The following PLEKHM2 variants were observed in gnomAD, a reference collection of about 807,000 sequenced individuals.
PLEKHM2 encodes pleckstrin homology and RUN domain containing M2.
Under a neutral mutation model 116.3 loss-of-function variants are expected in PLEKHM2, and 77 were observed. The ratio of observed to expected loss-of-function variants is 0.66; its 90% CI spans 0.55 to 0.80. PLEKHM2 has a LOEUF of 0.80. Among genes scored for constraint, PLEKHM2 ranks in the 30% least tolerant of loss-of-function variants. The pLI, the probability that PLEKHM2 is intolerant of heterozygous loss-of-function variation, is 0.00. For missense variants in PLEKHM2, 1,183 were observed against 1,354.9 expected (o/e 0.87, Z 1.99); for synonymous variants, 562 against 571.0 (o/e 0.98, Z 0.22).
At chr1:15,711,765 G>T (rs1641335588) in intron 1 of PLEKHM2, among the ~76,000 whole-genome samples, 1 of 152,122 alleles carries the variant, frequency 6.6e-6, no homozygotes. Flanking sequence ...GAAGTTTAAA[G>T]GTCAATTGAT....
intron 1 of PLEKHM2, among the ~76,000 whole-genome samples, chr1:15,701,633 C>CA (rs1191857638): frequency 3.3e-5 from 5 of 151,158 alleles, no homozygotes; most frequent in Non-Finnish European, 3.0e-5. Flanking sequence ...ACTAAAAATA[C>CA]AAAAAAAATT....
chr1:15,720,521 G>C, intron 6 of PLEKHM2: 4 of 979,666 alleles, frequency 4.1e-6, no homozygotes, highest in Non-Finnish European at 4.8e-6. Context: ...TGATTTACTG[G>C]AACAGCCTGG....
chr1:15,718,041 A>G (rs747744183), intron 4 of PLEKHM2, 49 bp downstream of exon 4: 21 of 1,163,416 alleles, frequency 1.8e-5, no homozygotes, highest in Non-Finnish European at 2.7e-5. Context: ...GCTCCCTTTC[A>G]GCTACCTCCC....
chr1:15,685,541 GAAAAAAAAAA>G (rs200301672), intron 1 of PLEKHM2, among the ~76,000 whole-genome samples: 3 of 73,510 alleles, frequency 4.1e-5, no homozygotes, highest in Non-Finnish European at 8.3e-5. Flanking sequence ...CTCAGAAACT[GAAAAAAAAAA>G]AAAAAAAAAG....
rs1052859787 is a variant in PLEKHM2 at position 15,726,318 on chromosome 1, G to A, written c.942-696G>A. 2.4e-4 allele frequency among the ~76,000 whole-genome samples: 37 copies of A among 152,168 alleles called. 1 individual carries two copies. The highest frequency in any genetic ancestry group is 1.3e-4 in the Non-Finnish European group (9 of 68,034). On this transcript the variant is annotated intron_variant, in intron 8 of 19. Coordinates refer to ENST00000375799, the MANE Select transcript of PLEKHM2 (RefSeq NM_015164.4). ...AGGGACTGTCAACCAGAGCCTCCCC[G>A]GCTCCCTGACCTCCCCGACCCCCTC... is the stretch of plus-strand genomic sequence containing the variant.
At chr1:15,706,037 C>T (rs12021993) in intron 1 of PLEKHM2, among the ~76,000 whole-genome samples, 13 of 152,074 alleles carry the variant, frequency 8.5e-5, no homozygotes, top group Admixed American at 7.9e-4. Flanking sequence ...GCCAAGATCG[C>T]GCCATTGCAC....
rs2148374495 is a variant in PLEKHM2, at chr1:15,728,581, AAG to A, written c.1922-83_1922-82del. 8.2e-7 allele frequency: 1 copy of A among 1,223,144 alleles called. No individual in the cohort carries two copies. The highest frequency in any genetic ancestry group is 1.3e-5 in the South Asian group (1 of 77,774). The allele number at this position is 1,223,144 out of a possible 1,614,324, so 75.8% of individuals were successfully genotyped here. ...ACTGCAGGGCAAGGAGAGGCCCTCT[AAG>A]AGAGGGGGCTGTGTCTAAGAAAATG... On this transcript the variant is annotated intron_variant, in intron 11 of 19. Transcript: ENST00000375799. The surrounding 1 kb of genome is among the most constrained non-coding windows in gnomAD (Gnocchi z 5.9).
rs938127256 is a variant in PLEKHM2 at position 15,693,714 on chromosome 1, T to G, written c.60+9096T>G. ...GCTGGAGCCCAGTGTGAAAAGAAAT[T>G]CCCAGCAAAACTAAAATTCTGCTGC... On this transcript the variant is annotated intron_variant, in intron 1 of 19. Transcript: ENST00000375799. Among the ~76,000 whole-genome samples, 3 of 152,246 alleles carry G rather than the reference T, an allele frequency of 2.0e-5. No homozygotes were observed. The East Asian group carries it at 5.8e-4, about 29-fold the overall frequency.
chr1:15,685,706 A>G (rs1640757764), intron 1 of PLEKHM2, among the ~76,000 whole-genome samples: 2 of 152,332 alleles, frequency 1.3e-5, no homozygotes, highest in Non-Finnish European at 2.9e-5. Flanking sequence ...AGATTCCTCA[A>G]AAGCAACACA....
intron 1 of PLEKHM2, among the ~76,000 whole-genome samples, chr1:15,692,209 T>C (rs1278905268): frequency 6.6e-6 from 1 of 152,086 alleles, no homozygotes; most frequent in Non-Finnish European, 1.5e-5. Context: ...TTGGTTTAGA[T>C]CAATAGTTTT....
chr1:15,682,105 G>A (rs973821009), upstream of PLEKHM2, among the ~76,000 whole-genome samples: 2 of 152,024 alleles, frequency 1.3e-5, no homozygotes, highest in Non-Finnish European at 2.9e-5. Context: ...GGCTGACGTG[G>A]GAGGATCCCC....
At chr1:15,703,926 G>C (rs1003120406) in intron 1 of PLEKHM2, among the ~76,000 whole-genome samples, 5 of 152,182 alleles carry the variant, frequency 3.3e-5, no homozygotes, top group Non-Finnish European at 7.3e-5. Flanking sequence ...CAGCAGCAGG[G>C]ACAGGAGAGC....
chr1:15,724,419 G>C (rs984270393), intron 7 of PLEKHM2, among the ~76,000 whole-genome samples: 1 of 152,042 alleles, frequency 6.6e-6, no homozygotes, highest in Admixed American at 6.5e-5. Flanking sequence ...GGAGTTGGAG[G>C]TTGTAGTGAG....
chr1:15,716,654 C>T (rs1229573095), intron 2 of PLEKHM2, 53 bp from the exon 3 acceptor site: 1 of 1,541,522 alleles, frequency 6.5e-7, no homozygotes, highest in Non-Finnish European at 8.8e-7. Context: ...CCGACTGCAG[C>T]TTCCCAGGGT....
In PLEKHM2 at chr1:15,729,784, A is replaced by G; in HGVS notation, c.2076-13A>G. On this transcript the variant is annotated splice_polypyrimidine_tract_variant and intron_variant, in intron 13 of 19. Transcript: ENST00000375799. The surrounding 1 kb of genome is among the most constrained non-coding windows in gnomAD (Gnocchi z 4.7). ...TCCCAGGCCTCTAACCACAAACCTC[A>G]CTCCCTATGCAGGTTCTTTTTGGCT... The G allele has an allele frequency of 1.2e-6, 2 of 1,605,904 alleles. No homozygotes were observed. Among genetic ancestry groups the G allele is most frequent in the Admixed American group, 1.7e-5 (1 of 58,554 alleles).
chr1:15,691,272 A>G (rs1477483430), intron 1 of PLEKHM2, among the ~76,000 whole-genome samples: 3 of 152,114 alleles, frequency 2.0e-5, no homozygotes, highest in East Asian at 1.9e-4. Context: ...AGGTCTCACT[A>G]TGTTGCCCAG....
At chr1:15,710,659 G>T (rs1455481749) in intron 1 of PLEKHM2, among the ~76,000 whole-genome samples, 1 of 152,156 alleles carries the variant, frequency 6.6e-6, no homozygotes, top group East Asian at 1.9e-4. Flanking sequence ...ATGTTGAGGG[G>T]GCTGGGGTGG....
At chr1:15,689,486 G>T (rs183579847) in intron 1 of PLEKHM2, among the ~76,000 whole-genome samples, 1 of 152,108 alleles carries the variant, frequency 6.6e-6, no homozygotes, top group African/African-American at 2.4e-5. Context: ...GGACACAAAC[G>T]CAGGCTTCAG....
intron 16 of PLEKHM2, 55 bp downstream of exon 16, chr1:15,731,312 TG>T: frequency 7.7e-7 from 1 of 1,290,628 alleles, no homozygotes; most frequent in Non-Finnish European, 1.1e-6. Flanking sequence ...GCCGTTTCCC[TG>T]GTTTGAGATG....
Sources: allele counts gnomAD v4.1 joint callset (sites outside exome capture counted in the v4.1 genomes callset), GRCh38; gene constraint gnomAD v4.1.1; non-coding constraint Gnocchi (gnomAD v3.1); transcripts MANE v1.5; gene names NCBI Gene and HGNC (gene_info 2026-07-23, HGNC 2026-07-21).